Variants in SPTB observed in about 807,000 individuals in gnomAD.
SPTB encodes spectrin beta, erythrocytic, also known as spectrin beta chain, erythrocytic.
A neutral mutation model predicts 256.2 loss-of-function variants in SPTB; 45 were observed. The observed-to-expected ratio is 0.18, with a 90% CI of 0.14 to 0.23. The LOEUF (loss-of-function observed/expected upper bound fraction) is 0.23. Among genes scored for constraint, SPTB ranks in the 10% least tolerant of loss-of-function variants. The pLI is 1.00. For missense variants in SPTB, 2,715 were observed against 3,040.4 expected (o/e 0.89, Z 2.52); for synonymous variants, 1,231 against 1,243.1 (o/e 0.99, Z 0.21).
At chr14:64,821,198 G>A (rs2083280810) in intron 2 of SPTB, among the ~76,000 whole-genome samples, 1 of 152,026 alleles carries the variant, frequency 6.6e-6, no homozygotes, top group Admixed American at 6.6e-5. Flanking sequence ...TAATTTATGT[G>A]CCCATCCTAC....
chr14:64,809,015 C>A (rs941448460), intron 2 of SPTB, among the ~76,000 whole-genome samples: 1 of 151,766 alleles, frequency 6.6e-6, no homozygotes, highest in Non-Finnish European at 1.5e-5. Flanking sequence ...AATCCCAGCA[C>A]TTTGGGAAGC....
At chr14:64,789,127 G>A (rs1410138728) in intron 15 of SPTB, among the ~76,000 whole-genome samples, 3 of 151,962 alleles carry the variant, frequency 2.0e-5, no homozygotes, top group Admixed American at 6.5e-5. Flanking sequence ...GAGGCCGGAG[G>A]ATCTCTTGAG....
chr14:64,868,098 C>A (rs1331828147), intron 1 of SPTB, among the ~76,000 whole-genome samples: 1 of 151,934 alleles, frequency 6.6e-6, no homozygotes, highest in East Asian at 1.9e-4. Context: ...CAATGGGGAA[C>A]CATTGAGGGT....
intron 1 of SPTB, among the ~76,000 whole-genome samples, chr14:64,842,625 C>A (rs1488175320): frequency 6.6e-6 from 1 of 152,238 alleles, no homozygotes; most frequent in African/African-American, 2.4e-5. Context: ...GCGTGTCAGA[C>A]ACGGAGTATA....
chr14:64,837,531 A>T (rs1294918198), intron 1 of SPTB, among the ~76,000 whole-genome samples: 1 of 152,326 alleles, frequency 6.6e-6, no homozygotes, highest in Middle Eastern at 3.4e-3. Flanking sequence ...CTGATCTATA[A>T]ATTCAAAGCA....
At position 64,752,195 on chromosome 14, in the gene SPTB, G is replaced by C; in HGVS notation, c.6602+1342C>G. 1.5e-6 allele frequency: 2 copies of C among 1,346,922 alleles called. 1 individual carries two copies. The highest frequency in any genetic ancestry group is 2.3e-5 in the South Asian group (2 of 86,660). 83.4% of individuals were successfully genotyped at this position (1,346,922 alleles called of 1,614,324 possible). A position where few individuals can be genotyped will look rare whatever the true frequency, so the allele number is the denominator to read the frequency against. ...AAACTGATAACAGGTGGGCTAGCCC[G>C]AGCCGCTTCACTCACACGTGGGAAG... is the stretch of plus-strand genomic sequence containing the variant. On this transcript the variant is annotated intron_variant, in intron 33 of 35. Coordinates refer to ENST00000644917, the MANE Select transcript of SPTB (RefSeq NM_001355436.2).
At chr14:64,812,777 G>C (rs1470159097) in intron 2 of SPTB, among the ~76,000 whole-genome samples, 1 of 152,034 alleles carries the variant, frequency 6.6e-6, no homozygotes, top group African/African-American at 2.4e-5. Context: ...AAACCAAACT[G>C]TAAAGTTGAA....
intron 1 of SPTB, among the ~76,000 whole-genome samples, chr14:64,861,696 A>G (rs1043458262): frequency 1.1e-4 from 16 of 152,184 alleles, no homozygotes; most frequent in Admixed American, 8.5e-4. Context: ...AGTTCTCAGA[A>G]AAGCAATCTG....
At chr14:64,805,448 C>T (rs534688641) in intron 2 of SPTB, among the ~76,000 whole-genome samples, 3 of 152,294 alleles carry the variant, frequency 2.0e-5, no homozygotes, top group East Asian at 3.9e-4. Flanking sequence ...ATCAAATATT[C>T]GCTCTGCCTA....
chr14:64,763,411 T>C (rs981217291), intron 32 of SPTB, among the ~76,000 whole-genome samples: 1 of 152,230 alleles, frequency 6.6e-6, no homozygotes, highest in South Asian at 2.1e-4. Context: ...CCTTTACTAC[T>C]TCTTTCCCAT....
chr14:64,865,167 C>T (rs1396096108), intron 1 of SPTB, among the ~76,000 whole-genome samples: 1 of 152,066 alleles, frequency 6.6e-6, no homozygotes, highest in Non-Finnish European at 1.5e-5. Flanking sequence ...AGCATTCCCA[C>T]CGTCTTACAG....
At position 64,749,858 on chromosome 14, in the gene SPTB, A is replaced by C. The variant is rs147425279; in HGVS notation, c.6776+123T>G. On this transcript the variant is annotated intron_variant, in intron 34 of 35. Transcript: ENST00000644917. The surrounding 1 kb of genome is among the most constrained non-coding windows in gnomAD (Gnocchi z 4.7). ...AAAGTCTGGACCATCAGCCTCTTTG[A>C]TTTGAAAAACCCCTGAGGAGCAGCT... is the stretch of plus-strand genomic sequence containing the variant. 911 of 1,516,216 alleles carry C rather than the reference A, an allele frequency of 6.0e-4. 4 individuals are homozygous for C. In the African/African-American group the frequency reaches 0.011, roughly 19 times the overall value. The allele number at this position is 1,516,216 out of a possible 1,614,324, so 93.9% of individuals were successfully genotyped here.
rs751976648 is a variant in SPTB, at chr14:64,801,301, C to T, written c.747G>A (p.Pro249=). 3.4e-5 allele frequency: 55 copies of T among 1,613,738 alleles called. No individual in the cohort carries two copies. Among genetic ancestry groups the T allele is most frequent in the East Asian group, 6.7e-5 (3 of 44,900 alleles). Residue 249 remains proline, a synonymous_variant, in exon 7 of 36, where the codon CCG becomes CCA. Transcript: ENST00000644917. ...GTGGCTCACCTTCGGGGTCGAGGAG[C>T]GGGATGATGCCCAGCTGGCGCTCAG... The part of the protein sequence containing the change: ...NVAERQLGII[P]LLDPEDVFTE...
intron 13 of SPTB, among the ~76,000 whole-genome samples, 161 bp downstream of exon 13, chr14:64,794,306 G>A (rs2082727921): frequency 6.6e-6 from 1 of 152,190 alleles, no homozygotes; most frequent in Non-Finnish European, 1.5e-5. Context: ...GCTCTCTAGA[G>A]AATTTGGCTG....
At chr14:64,839,439 C>T (rs1358474091) in intron 1 of SPTB, among the ~76,000 whole-genome samples, 2 of 152,076 alleles carry the variant, frequency 1.3e-5, no homozygotes, top group South Asian at 2.1e-4. Context: ...GTTGGGGAAA[C>T]GAGTTGACAG....
rs1242883104 is a variant in SPTB at position 64,803,619 on chromosome 14, G to T, written c.462C>A (p.Ile154=). ...CCCAGGAACCCACCTGGAAGCGGAGGATGATGGTCCAGATGAGGCCCAGGA... is the reference window on the plus strand; with the variant it reads ...CCCAGGAACCCACCTGGAAGCGGAGTATGATGGTCCAGATGAGGCCCAGGA... ...RLVLGLIWTI[I]LRFQIQDIVV... Residue 154 remains isoleucine, a synonymous_variant, in exon 4 of 36, where the codon ATC becomes ATA. Transcript: ENST00000644917. 1 of 1,614,202 alleles carries T rather than the reference G, an allele frequency of 6.2e-7. No individual in the cohort carries two copies. Among genetic ancestry groups the T allele is most frequent in the African/African-American group, 1.3e-5 (1 of 75,050 alleles).
rs2083354768 is a variant in SPTB, at chr14:64,824,999, G to A, written c.-51-1854C>T. On this transcript the variant is annotated intron_variant, in intron 1 of 35. Coordinates refer to ENST00000644917, the MANE Select transcript of SPTB (RefSeq NM_001355436.2). This position sits in a 1 kb window ranked among gnomAD's most constrained non-coding sequence, Gnocchi z 5.7. Reference sequence around the variant, plus strand: ...CATCCGGTGGAATGACTGCGGCTGGGACCAAAGGCCAAACTGGAGCGCAGT... The same window carrying A: ...CATCCGGTGGAATGACTGCGGCTGGAACCAAAGGCCAAACTGGAGCGCAGT... Among the ~76,000 whole-genome samples the A allele has an allele frequency of 6.6e-6, 1 of 152,156 alleles. No homozygotes were observed. Among genetic ancestry groups the A allele is most frequent in the African/African-American group, 2.4e-5 (1 of 41,420 alleles).
rs1199895405 is a variant in SPTB at position 64,799,948 on chromosome 14, T to A, written c.877-14A>T. 5 of 1,613,808 alleles carry A rather than the reference T, an allele frequency of 3.1e-6. No individual in the cohort carries two copies. The highest frequency in any genetic ancestry group is 4.5e-5 in the East Asian group (2 of 44,884). ...ATGGTCAATAACCTAAGGAATCATC[T>A]TCTTACTTATTCTCATCAGAAGGGC... is the stretch of plus-strand genomic sequence containing the variant. On this transcript the variant is annotated splice_polypyrimidine_tract_variant and intron_variant, in intron 8 of 35. Coordinates refer to ENST00000644917, the MANE Select transcript of SPTB (RefSeq NM_001355436.2).
intron 2 of SPTB, among the ~76,000 whole-genome samples, chr14:64,821,761 T>C (rs1327087767): frequency 1.3e-5 from 2 of 152,066 alleles, no homozygotes; most frequent in Non-Finnish European, 2.9e-5. Context: ...CCAGGGGTAA[T>C]GACTGAGACC....
Sources: gnomAD v4.1 joint callset for allele counts (sites outside exome capture counted in the v4.1 genomes callset) on GRCh38, gnomAD v4.1.1 for gene constraint, Gnocchi (gnomAD v3.1) non-coding constraint, MANE v1.5 for transcripts, NCBI Gene and HGNC (gene_info 2026-07-23, HGNC 2026-07-21) for gene names.